Variants in TFB2M observed in about 807,000 individuals in gnomAD.
TFB2M encodes dimethyladenosine transferase 2, mitochondrial.
In TFB2M, 44 loss-of-function variants were observed where a neutral mutation model predicts 41.3. That is an observed-to-expected ratio of 1.07 (90% CI 0.84 to 1.37). The LOEUF (loss-of-function observed/expected upper bound fraction) is 1.37. Among genes scored for constraint, TFB2M ranks in the 40% most tolerant of loss-of-function variants. The pLI is 0.00. For synonymous variants in TFB2M, 188 were observed against 176.8 expected (o/e 1.06, Z -0.50); for missense variants, 496 against 490.2 (o/e 1.01, Z -0.11).
rs771965294 is a variant in TFB2M, at chr1:246,551,263, C to T, written c.745G>A (p.Val249Ile). The change falls in exon 5 of 8, where the codon GTA (valine) becomes ATA (isoleucine). Residue 249 changes from valine to isoleucine, a missense_variant. By Grantham distance (29) the Val-to-Ile change is conservative. Transcript: ENST00000366514. ...GCTAATTGCCAGATAACACTTAATA[C>T]ATGATACAAGTCTGGATTTCCGGGA... ...ADPGNPDLYH[V>I]LSVIWQLACE... is the part of the protein sequence containing the mutation. 1.2e-6 allele frequency: 2 copies of T among 1,613,910 alleles called. No individual in the cohort carries two copies.
Position 246,544,828 on chromosome 1 carries a change from T to TA in TFB2M, c.859-148dup, listed in dbSNP as rs766986368. On this transcript the variant is annotated intron_variant, in intron 6 of 7. Coordinates refer to ENST00000366514, the MANE Select transcript of TFB2M (RefSeq NM_022366.3). ...ACATTCTCTTTTTCTTTCTTGGAGA[T>TA]AGAGTCTCACTCTGTCGCCCAGGCT... The TA allele has an allele frequency of 6.0e-6, 4 of 669,476 alleles. No homozygotes were observed. In the South Asian group the frequency reaches 6.3e-5, roughly 11 times the overall value. 41.5% of individuals were successfully genotyped at this position (669,476 alleles called of 1,614,324 possible). A position where few individuals can be genotyped will look rare whatever the true frequency, so the allele number is the denominator to read the frequency against.
At position 246,548,807 on chromosome 1, in the gene TFB2M, C is replaced by T. The variant is rs1022374218; in HGVS notation, c.796-200G>A. ...AAGAGGAGGAGGATCAAAAGTCTAC[C>T]CAAATACTAGTACCTCTTTTCCTTA... On this transcript the variant is annotated intron_variant, in intron 5 of 7. Transcript: ENST00000366514. Among the ~76,000 whole-genome samples, 12 of 152,254 alleles carry T rather than the reference C, an allele frequency of 7.9e-5. No individual in the cohort carries two copies. The East Asian group carries it at 2.3e-3, about 29-fold the overall frequency.
chr1:246,544,972 A>T (rs370771845), intron 6 of TFB2M, among the ~76,000 whole-genome samples: 3 of 151,958 alleles, frequency 2.0e-5, no homozygotes, highest in East Asian at 2.0e-4. Flanking sequence ...CGCCTGGCTA[A>T]TTTTTTGTAT....
chr1:246,565,986 C>A lies in TFB2M; in HGVS notation c.153G>T (p.Leu51=), dbSNP rs769913318. Residue 51 remains leucine (L), a synonymous_variant, in exon 1 of 8, where the codon CTG becomes CTT. Coordinates refer to ENST00000366514, the MANE Select transcript of TFB2M (RefSeq NM_022366.3). ...HCGLSDSSPQ[L]WPEPDFRNPP... is the part of the protein sequence containing the mutation. ...GATTCCTGAAATCCGGTTCGGGCCA[C>A]AGCTGCGGAGAGGAGTCAGAGAGCC... 3.7e-6 allele frequency: 6 copies of A among 1,614,224 alleles called. No individual in the cohort carries two copies. The Admixed American group carries it at 1.0e-4, about 27-fold the overall frequency.
rs181182408 is a variant in TFB2M, at chr1:246,558,395, C to T, written c.403-861G>A. 9.2e-5 allele frequency among the ~76,000 whole-genome samples: 14 copies of T among 152,246 alleles called. 1 individual carries two copies. Among genetic ancestry groups the T allele is most frequent in the South Asian group, 8.3e-4 (4 of 4,824 alleles). On this transcript the variant is annotated intron_variant, in intron 2 of 7. Coordinates refer to ENST00000366514, the MANE Select transcript of TFB2M (RefSeq NM_022366.3). ...CTCCTGAGCTCAAGAGATCTGCCCACCTTGACCTCCCAAAGTGCTGGGATT... is the reference window on the plus strand; with the variant it reads ...CTCCTGAGCTCAAGAGATCTGCCCATCTTGACCTCCCAAAGTGCTGGGATT...
Position 246,551,271 on chromosome 1 carries a change from A to G in TFB2M, c.737T>C (p.Leu246Ser), listed in dbSNP as rs144706517. The G allele has an allele frequency of 6.2e-7, 1 of 1,613,800 alleles. No homozygotes were observed. Among genetic ancestry groups the G allele is most frequent in the Non-Finnish European group, 8.5e-7 (1 of 1,179,674 alleles). ...KLMADPGNPD[L>S]YHVLSVIWQL... ...CCAGATAACACTTAATACATGATAC[A>G]AGTCTGGATTTCCGGGATCTGCCAT... The change falls in exon 5 of 8, where the codon TTG becomes TCG. Residue 246 changes from leucine (L) to serine (S), a missense_variant. Leu to Ser is a moderately radical substitution (Grantham distance 145, BLOSUM62 -2). Coordinates refer to ENST00000366514, the MANE Select transcript of TFB2M (RefSeq NM_022366.3).
chr1:246,552,728 T>TA (rs922077328), intron 4 of TFB2M, among the ~76,000 whole-genome samples: 9 of 151,496 alleles, frequency 5.9e-5, no homozygotes, highest in Admixed American at 1.3e-4. Context: ...GTTTTAAAGT[T>TA]AAAAAAAATA....
At chr1:246,544,416 T>C (rs1378161648) in intron 7 of TFB2M, 105 bp downstream of exon 7, 10 of 1,021,972 alleles carry the variant, frequency 9.8e-6, no homozygotes, top group African/African-American at 1.7e-5. Context: ...AGGGAAAACA[T>C]GGTACCTCAC....
chr1:246,550,928 G>A (rs915790133), intron 5 of TFB2M, among the ~76,000 whole-genome samples: 4 of 152,192 alleles, frequency 2.6e-5, no homozygotes, highest in Non-Finnish European at 4.4e-5. Flanking sequence ...AGTGGGTCAT[G>A]CCTGTAATCC....
At chr1:246,554,807 C>T (rs976149164) in intron 4 of TFB2M, among the ~76,000 whole-genome samples, 10 of 151,974 alleles carry the variant, frequency 6.6e-5, no homozygotes, top group African/African-American at 1.9e-4. Flanking sequence ...CGCCCAGCTA[C>T]GTATGATACC....
Position 246,565,923 on chromosome 1 carries a change from C to T in TFB2M, c.216G>A (p.Lys72=), listed in dbSNP as rs947059177. 3 of 1,614,204 alleles carry T rather than the reference C, an allele frequency of 1.9e-6. No homozygotes were observed. The highest frequency in any genetic ancestry group is 2.2e-5 in the East Asian group (1 of 44,884). ...CCAATCTCCGATCGGTTACGTAACG[C>T]TTAAAGTCTAAGCTGGCCTTAGACG... The part of the protein sequence containing the change: ...RKASKASLDF[K]RYVTDRRLAE... The change falls in exon 1 of 8, where the codon AAG becomes AAA. Residue 72 remains lysine, a synonymous_variant. Coordinates refer to ENST00000366514, the MANE Select transcript of TFB2M (RefSeq NM_022366.3).
chr1:246,552,683 A>G (rs1438349793), intron 4 of TFB2M, among the ~76,000 whole-genome samples: 2 of 152,090 alleles, frequency 1.3e-5, no homozygotes, highest in South Asian at 2.1e-4. Context: ...TGGGCAACAG[A>G]GCAAGACCCT....
chr1:246,544,432 C>T (rs1165721119), intron 7 of TFB2M, 89 bp downstream of exon 7: 2 of 1,206,730 alleles, frequency 1.7e-6, no homozygotes, highest in African/African-American at 3.2e-5. Context: ...CTCACTCTGT[C>T]AATCAAGATA....
At chr1:246,553,167 G>A (rs1659229977) in intron 4 of TFB2M, among the ~76,000 whole-genome samples, 1 of 152,206 alleles carries the variant, frequency 6.6e-6, no homozygotes, top group Non-Finnish European at 1.5e-5. Flanking sequence ...GTTGCAGTGA[G>A]CCGGGATTGC....
intron 6 of TFB2M, among the ~76,000 whole-genome samples, chr1:246,544,954 C>A (rs866268713): frequency 6.6e-6 from 1 of 152,044 alleles, no homozygotes; most frequent in South Asian, 2.1e-4. Flanking sequence ...TACAGGCGCC[C>A]ACCACCACGC....
At chr1:246,561,120 T>C (rs1460811010) in intron 2 of TFB2M, among the ~76,000 whole-genome samples, 1 of 152,254 alleles carries the variant, frequency 6.6e-6, no homozygotes, top group Non-Finnish European at 1.5e-5. Flanking sequence ...TGCTTACCTA[T>C]TGTTACTTCT....
chr1:246,548,620 A>G lies in TFB2M; in HGVS notation c.796-13T>C. The G allele has an allele frequency of 1.9e-6, 3 of 1,607,410 alleles. No individual in the cohort carries two copies. Among genetic ancestry groups the G allele is most frequent in the Non-Finnish European group, 2.5e-6 (3 of 1,178,090 alleles). On this transcript the variant is annotated splice_polypyrimidine_tract_variant and intron_variant, in intron 5 of 7. Coordinates refer to ENST00000366514, the MANE Select transcript of TFB2M (RefSeq NM_022366.3). ...ATGACCAAGGCTCCTGGGGAAGAAA[A>G]ACAAAGCAAAACAACATCTTTTATT...
intron 4 of TFB2M, among the ~76,000 whole-genome samples, chr1:246,553,438 G>A (rs888233127): frequency 3.3e-5 from 5 of 152,184 alleles, no homozygotes; most frequent in African/African-American, 1.2e-4. Flanking sequence ...AGGAGACTGA[G>A]GTAGAAGGAT....
chr1:246,565,772 A>G lies in TFB2M; in HGVS notation c.313+54T>C, dbSNP rs1659638623. The G allele has an allele frequency of 1.2e-5, 19 of 1,559,928 alleles. No individual in the cohort carries two copies. In the South Asian group the frequency reaches 1.3e-4, roughly 10 times the overall value. ...TAAAATAGCACCCCGAGGAGGGTCA[A>G]TACGTTTGAATAAATGATGAACATC... is the stretch of plus-strand genomic sequence containing the variant. On this transcript the variant is annotated intron_variant, in intron 1 of 7. Coordinates refer to ENST00000366514, the MANE Select transcript of TFB2M (RefSeq NM_022366.3).
Sources: gnomAD v4.1 joint callset for allele counts (sites outside exome capture counted in the v4.1 genomes callset) on GRCh38, gnomAD v4.1.1 for gene constraint, MANE v1.5 for transcripts, NCBI Gene and HGNC (gene_info 2026-07-23, HGNC 2026-07-21) for gene names.